SIL1: variants seen among roughly 807,000 people sequenced by gnomAD.
SIL1 encodes the protein nucleotide exchange factor SIL1.
Under a neutral mutation model 49.1 loss-of-function variants are expected in SIL1, and 40 were observed. The ratio of observed to expected loss-of-function variants is 0.81; its 90% CI spans 0.63 to 1.06. The LOEUF is 1.06. Ranked by LOEUF, SIL1 falls within the 50% of genes least tolerant of loss-of-function variation. The pLI, the probability that SIL1 is intolerant of heterozygous loss-of-function variation, is 0.00. For missense variants in SIL1, 500 were observed against 572.6 expected, an observed-to-expected ratio of 0.87 and a Z score of 1.29; for synonymous variants, 253 against 250.8, an observed-to-expected ratio of 1.01 and a Z score of -0.08.
chr5:138,951,967 TC>T (rs1766791116), intron 7 of SIL1, 83 bp from the exon 8 acceptor site: 5 of 1,222,494 alleles, frequency 4.1e-6, no homozygotes, highest in Non-Finnish European at 6.0e-6. Flanking sequence ...ATGTCAGCCA[TC>T]CCTGGGGAGA....
intron 3 of SIL1, among the ~76,000 whole-genome samples, chr5:139,113,478 C>T (rs888530569): frequency 2.0e-5 from 3 of 151,856 alleles, no homozygotes; most frequent in Non-Finnish European, 2.9e-5. Flanking sequence ...ACCTGCCACT[C>T]CAGACAAGCA....
chr5:139,171,093 T>C (rs1280065999), intron 1 of SIL1, among the ~76,000 whole-genome samples: 673 of 105,390 alleles, frequency 6.4e-3, no homozygotes, highest in South Asian at 8.7e-3. Flanking sequence ...GTCAGCCCCC[T>C]GCCCGGCCAG....
chr5:139,150,161 TG>T (rs1751269069), intron 1 of SIL1, among the ~76,000 whole-genome samples: 1 of 152,232 alleles, frequency 6.6e-6, no homozygotes, highest in Admixed American at 6.5e-5. Context: ...CTACCCATAG[TG>T]GCCTAAACCC....
chr5:139,040,640 A>G (rs1389583881), intron 5 of SIL1, among the ~76,000 whole-genome samples: 2 of 151,676 alleles, frequency 1.3e-5, no homozygotes, highest in East Asian at 3.9e-4. Context: ...CTGGGACTAC[A>G]GACACATACC....
intron 3 of SIL1, among the ~76,000 whole-genome samples, chr5:139,068,945 A>C (rs1421870172): frequency 2.0e-5 from 3 of 152,166 alleles, no homozygotes; most frequent in Non-Finnish European, 4.4e-5. Context: ...GGTACAAGAT[A>C]CTCAATAACA....
chr5:139,164,695 C>T (rs999473830), intron 1 of SIL1, among the ~76,000 whole-genome samples: 4 of 152,152 alleles, frequency 2.6e-5, no homozygotes, highest in African/African-American at 9.7e-5. Context: ...GATGAAGAAA[C>T]TAAGTCACAG....
At chr5:139,132,017 C>T (rs2151797724) in intron 1 of SIL1, among the ~76,000 whole-genome samples, 1 of 152,224 alleles carries the variant, frequency 6.6e-6, no homozygotes, top group South Asian at 2.1e-4. Context: ...CACAGATATC[C>T]CTCCCCTTCC....
intron 7 of SIL1, among the ~76,000 whole-genome samples, chr5:138,994,909 T>A (rs1055231676): frequency 6.6e-6 from 1 of 152,214 alleles, no homozygotes; most frequent in Non-Finnish European, 1.5e-5. Context: ...CCTCTTCCTG[T>A]GTCCATGTGT....
At chr5:139,001,606 A>G (rs1767985029) in intron 7 of SIL1, among the ~76,000 whole-genome samples, 1 of 152,186 alleles carries the variant, frequency 6.6e-6, no homozygotes, top group Admixed American at 6.5e-5. Flanking sequence ...ATGACAAACT[A>G]TAAAGAACAG....
chr5:139,127,931 G>T (rs778043933), intron 1 of SIL1, 78 bp from the exon 2 acceptor site: 3 of 883,058 alleles, frequency 3.4e-6, no homozygotes, highest in African/African-American at 1.7e-5. Context: ...TTCCCATGTC[G>T]TCACTTGCTC....
intron 1 of SIL1, among the ~76,000 whole-genome samples, chr5:139,144,804 G>A (rs1212434384): frequency 2.6e-5 from 4 of 152,110 alleles, no homozygotes; most frequent in African/African-American, 9.7e-5. Context: ...CCGGGAGGTG[G>A]AGGTTGCAGT....
chr5:138,954,729 G>GCCACAGCCT (rs1766863449), intron 7 of SIL1, among the ~76,000 whole-genome samples: 3 of 152,234 alleles, frequency 2.0e-5, no homozygotes, highest in Non-Finnish European at 4.4e-5. Flanking sequence ...CTGGGGCTGG[G>GCCACAGCCT]GGAGGCAACT....
At chr5:139,018,342 G>A (rs763449584) in intron 7 of SIL1, among the ~76,000 whole-genome samples, 1 of 152,082 alleles carries the variant, frequency 6.6e-6, no homozygotes, top group Non-Finnish European at 1.5e-5. Context: ...ATGCCTATAA[G>A]CCCAGCACTT....
intron 7 of SIL1, among the ~76,000 whole-genome samples, chr5:139,005,537 G>T (rs1768096972): frequency 7.3e-6 from 1 of 136,954 alleles, no homozygotes; most frequent in Non-Finnish European, 1.6e-5. Context: ...GTGCCATGCT[G>T]GTGCGCTGCG....
chr5:139,039,992 G>A (rs1769003208), intron 5 of SIL1, among the ~76,000 whole-genome samples: 1 of 152,146 alleles, frequency 6.6e-6, no homozygotes, highest in Non-Finnish European at 1.5e-5. Flanking sequence ...TATAATTGAT[G>A]TTCTCGTCCC....
intron 9 of SIL1, among the ~76,000 whole-genome samples, chr5:138,949,798 CAAA>C (rs5871689): frequency 4.8e-5 from 4 of 83,336 alleles, no homozygotes; most frequent in African/African-American, 1.5e-4. Flanking sequence ...GACCCTGTCT[CAAA>C]AAAAAAAAAA....
intron 5 of SIL1, among the ~76,000 whole-genome samples, chr5:139,038,538 G>A (rs1484711176): frequency 1.3e-5 from 2 of 152,138 alleles, no homozygotes; most frequent in African/African-American, 4.8e-5. Flanking sequence ...ATTAATTCTG[G>A]TCAGTTTCTT....
chr5:139,087,368 G>A (rs1283321805), intron 3 of SIL1, among the ~76,000 whole-genome samples: 1 of 152,118 alleles, frequency 6.6e-6, no homozygotes, highest in East Asian at 1.9e-4. Flanking sequence ...TGCTGTGTGG[G>A]GAAGAGTGAG....
At chr5:138,976,453 C>T (rs534319030) in intron 7 of SIL1, among the ~76,000 whole-genome samples, 1 of 152,002 alleles carries the variant, frequency 6.6e-6, no homozygotes, top group East Asian at 1.9e-4. Flanking sequence ...GCTGGGATTA[C>T]AGGCACGCGC....
Sources: allele counts gnomAD v4.1 joint callset (sites outside exome capture counted in the v4.1 genomes callset), GRCh38; gene constraint gnomAD v4.1.1; transcripts MANE v1.5; gene names NCBI Gene and HGNC (gene_info 2026-07-23, HGNC 2026-07-21).